ITGA11: variants seen among roughly 807,000 people sequenced by gnomAD.
The protein encoded by ITGA11 is integrin alpha-11.
In ITGA11, 97 loss-of-function variants were observed where a neutral mutation model predicts 141.9. That is an observed-to-expected ratio of 0.68 (90% confidence interval 0.58 to 0.81). The LOEUF is 0.81. Among genes scored for constraint, ITGA11 ranks in the 30% least tolerant of loss-of-function variants. The pLI is 0.00. For missense variants in ITGA11, 1,387 were observed against 1,559.2 expected (o/e 0.89, Z 1.86); for synonymous variants, 658 against 624.6 (o/e 1.05, Z -0.80).
chr15:68,402,800 T>C (rs1282911785), intron 2 of ITGA11, 118 bp downstream of exon 2: 6 of 657,704 alleles, frequency 9.1e-6, no homozygotes, highest in Admixed American at 7.5e-5. Context: ...GTCAAGTCAC[T>C]GGAAACGTCA....
chr15:68,307,252 C>G lies in ITGA11; in HGVS notation c.3381+96G>C. The G allele has an allele frequency of 1.2e-6, 1 of 834,432 alleles. No individual in the cohort carries two copies. The allele number at this position is 834,432 out of a possible 1,614,324, so 51.7% of individuals were successfully genotyped here. A position where few individuals can be genotyped will look rare whatever the true frequency, so the allele number is the denominator to read the frequency against. ...GATTCTCTCCTGCTGGGACATGCAG[C>G]CAGGGGTTGTAGGAAAACTCTATAG... On this transcript the variant is annotated intron_variant, in intron 28 of 29. Transcript: ENST00000315757. The surrounding 1 kb of genome is among the most constrained non-coding windows in gnomAD (Gnocchi z 6.1).
chr15:68,346,419 C>T (rs544041771), intron 10 of ITGA11, among the ~76,000 whole-genome samples: 2 of 152,286 alleles, frequency 1.3e-5, no homozygotes, highest in Admixed American at 1.3e-4. Context: ...TCCCCGATTC[C>T]TAGGCAGACA....
intron 28 of ITGA11, among the ~76,000 whole-genome samples, chr15:68,306,727 C>T (rs1272922142): frequency 2.0e-5 from 3 of 152,192 alleles, no homozygotes; most frequent in Admixed American, 1.3e-4. Flanking sequence ...TTCCTGACCC[C>T]GCCTCTTTGC....
intron 1 of ITGA11, among the ~76,000 whole-genome samples, chr15:68,413,133 G>A (rs1474528513): frequency 6.6e-6 from 1 of 152,180 alleles, no homozygotes; most frequent in Non-Finnish European, 1.5e-5. Flanking sequence ...GGACTAGGGG[G>A]TAGGGAGGAA....
At chr15:68,361,270 T>C (rs1895235741) in intron 5 of ITGA11, among the ~76,000 whole-genome samples, 1 of 152,182 alleles carries the variant, frequency 6.6e-6, no homozygotes, top group Non-Finnish European at 1.5e-5. Flanking sequence ...AGTGCACAGC[T>C]TGTCTGCTGC....
chr15:68,355,058 G>C (rs1982592), intron 7 of ITGA11, among the ~76,000 whole-genome samples: 143,317 of 152,196 alleles, frequency 0.94, 67,705 homozygotes, highest in Middle Eastern at 0.98. Context: ...GGATAACTGA[G>C]CAGGGGTTGG....
intron 1 of ITGA11, among the ~76,000 whole-genome samples, chr15:68,412,005 G>A (rs1379178227): frequency 6.6e-6 from 1 of 152,014 alleles, no homozygotes; most frequent in Admixed American, 6.5e-5. Flanking sequence ...GCCCAGCAGA[G>A]CCACTCAGTT....
Position 68,331,932 on chromosome 15 carries a change from AG to A in ITGA11, c.1696del (p.Leu566TrpfsTer20). 6.2e-7 allele frequency: 1 copy of A among 1,613,346 alleles called. No individual in the cohort carries two copies. On this transcript the variant is annotated frameshift_variant, in exon 14 of 30. Transcript: ENST00000315757. LOFTEE classifies it high-confidence loss of function. ...SYNDVVVGAP[L>X]EDNHAGAIYI... ...GATGGCTCCTGCGTGGTTGTCCTCC[AG>A]GGGGGCTCCCACCACCACGTCATTG...
At chr15:68,327,142 C>T (rs1894002483) in intron 16 of ITGA11, among the ~76,000 whole-genome samples, 1 of 152,074 alleles carries the variant, frequency 6.6e-6, no homozygotes, top group Admixed American at 6.5e-5. Flanking sequence ...CCTCTCCCTC[C>T]ACCTTCCCTG....
rs1224388565 is a variant in ITGA11, at chr15:68,308,888, C to A, written c.3175-1192G>T. ...TCAGGCCCTCACTGAAGAAGCCTGA[C>A]AATTAACAGCAGAACCATTAGCCAA... On this transcript the variant is annotated intron_variant, in intron 26 of 29. Coordinates refer to ENST00000315757, the MANE Select transcript of ITGA11 (RefSeq NM_001004439.2). The surrounding 1 kb of genome is among the most constrained non-coding windows in gnomAD (Gnocchi z 5.2). Among the ~76,000 whole-genome samples the A allele has an allele frequency of 6.6e-6, 1 of 152,220 alleles. No individual in the cohort carries two copies. The highest frequency in any genetic ancestry group is 2.4e-5 in the African/African-American group (1 of 41,452).
At chr15:68,313,080 G>A (rs1361046156) in intron 23 of ITGA11, among the ~76,000 whole-genome samples, 3 of 152,246 alleles carry the variant, frequency 2.0e-5, no homozygotes, top group Non-Finnish European at 4.4e-5. Flanking sequence ...CTCCTGAGTG[G>A]GTGGGCGTGA....
chr15:68,367,822 G>A (rs2140358552), intron 3 of ITGA11, among the ~76,000 whole-genome samples: 1 of 152,336 alleles, frequency 6.6e-6, no homozygotes, highest in Non-Finnish European at 1.5e-5. Flanking sequence ...GAGAGGATGT[G>A]AACTCCGCAT....
chr15:68,347,021 T>G (rs993520749), intron 10 of ITGA11, among the ~76,000 whole-genome samples: 1 of 152,252 alleles, frequency 6.6e-6, no homozygotes, highest in African/African-American at 2.4e-5. Flanking sequence ...ACAAGTTGAC[T>G]CCTGGTGGCA....
intron 2 of ITGA11, among the ~76,000 whole-genome samples, chr15:68,401,734 C>G (rs1566939140): frequency 6.6e-6 from 1 of 152,190 alleles, no homozygotes; most frequent in South Asian, 2.1e-4. Context: ...TTCTGGGAAG[C>G]TGGAAATGGT....
chr15:68,355,781 A>G (rs1031527071), intron 7 of ITGA11, among the ~76,000 whole-genome samples: 1 of 151,932 alleles, frequency 6.6e-6, no homozygotes, highest in South Asian at 2.1e-4. Context: ...TTTTTTTTAA[A>G]AAACACGTCA....
At chr15:68,411,102 TGTGGA>T in intron 1 of ITGA11, among the ~76,000 whole-genome samples, 1 of 152,174 alleles carries the variant, frequency 6.6e-6, no homozygotes, top group East Asian at 1.9e-4. Context: ...ACATGGAGGG[TGTGGA>T]GTGAATATTT....
In ITGA11 at chr15:68,328,591, C is replaced by T. The variant is rs1894058906; in HGVS notation, c.1902-329G>A. Among the ~76,000 whole-genome samples the T allele has an allele frequency of 6.6e-6, 1 of 152,110 alleles. No homozygotes were observed. Among genetic ancestry groups the T allele is most frequent in the African/African-American group, 2.4e-5 (1 of 41,392 alleles). On this transcript the variant is annotated intron_variant, in intron 15 of 29. Coordinates refer to ENST00000315757, the MANE Select transcript of ITGA11 (RefSeq NM_001004439.2). The surrounding 1 kb of genome is among the most constrained non-coding windows in gnomAD (Gnocchi z 4.8). ...ATCTTTTATAGCAGTGGTTCCCCAC[C>T]CTGGATGCACATGTGAGTCATCTGA...
chr15:68,341,688 T>C (rs1159727035), intron 10 of ITGA11, among the ~76,000 whole-genome samples: 1 of 152,188 alleles, frequency 6.6e-6, no homozygotes, highest in African/African-American at 2.4e-5. Flanking sequence ...GCCTGTTGAG[T>C]CCAAGTTTGT....
intron 7 of ITGA11, among the ~76,000 whole-genome samples, chr15:68,355,028 C>T (rs1480212996): frequency 6.6e-6 from 1 of 152,204 alleles, no homozygotes; most frequent in Non-Finnish European, 1.5e-5. Context: ...ATGGTTCAAA[C>T]TACCTGGTGA....
Sources: gnomAD v4.1 joint callset for allele counts (sites outside exome capture counted in the v4.1 genomes callset) on GRCh38, gnomAD v4.1.1 for gene constraint, Gnocchi (gnomAD v3.1) non-coding constraint, MANE v1.5 for transcripts, NCBI Gene and HGNC (gene_info 2026-07-23, HGNC 2026-07-21) for gene names.